MYT1L: variants seen among roughly 807,000 people sequenced by gnomAD.
The protein encoded by MYT1L is myelin transcription factor 1 like, also known as myelin transcription factor 1-like protein.
Under a neutral mutation model 126.7 loss-of-function variants are expected in MYT1L, and 12 were observed. That is an observed-to-expected ratio of 0.09 (90% CI 0.06 to 0.15). MYT1L has a LOEUF of 0.15. Ranked by LOEUF, MYT1L falls within the 10% of genes least tolerant of loss-of-function variation. The pLI is 1.00. For missense variants in MYT1L, 979 were observed against 1,585.2 expected (o/e 0.62, Z 6.49); for synonymous variants, 541 against 604.2 (o/e 0.90, Z 1.53).
At chr2:2,148,081 C>T (rs149090107) in intron 3 of MYT1L, among the ~76,000 whole-genome samples, 1 of 152,262 alleles carries the variant, frequency 6.6e-6, no homozygotes, top group East Asian at 1.9e-4. Context: ...AGGATCACAC[C>T]TCTCATCCTC....
intron 9 of MYT1L, among the ~76,000 whole-genome samples, chr2:1,937,772 G>A (rs569624748): frequency 1.4e-4 from 21 of 151,566 alleles, no homozygotes; most frequent in African/African-American, 3.9e-4. Context: ...TAATGTCCGC[G>A]GCCATCAGAT....
chr2:2,015,184 A>G (rs1041051026), intron 4 of MYT1L, among the ~76,000 whole-genome samples: 17 of 152,208 alleles, frequency 1.1e-4, no homozygotes, highest in South Asian at 2.1e-4. Flanking sequence ...GCAATGCTGA[A>G]GAGAATGGGT....
At chr2:2,028,853 T>A (rs1262224203) in intron 4 of MYT1L, among the ~76,000 whole-genome samples, 2 of 152,046 alleles carry the variant, frequency 1.3e-5, no homozygotes, top group Non-Finnish European at 2.9e-5. Flanking sequence ...ATTCATTAAC[T>A]CGTTGTTAAG....
At chr2:2,112,016 AT>A (rs537972787) in intron 3 of MYT1L, among the ~76,000 whole-genome samples, 1 of 152,086 alleles carries the variant, frequency 6.6e-6, no homozygotes, top group African/African-American at 2.4e-5. Context: ...TGGGACCACT[AT>A]TTTTTTGCCA....
At chr2:1,882,892 C>T (rs1332508966) in intron 18 of MYT1L, among the ~76,000 whole-genome samples, 2 of 152,156 alleles carry the variant, frequency 1.3e-5, no homozygotes, top group Non-Finnish European at 2.9e-5. Context: ...AATGTTAATT[C>T]TTTGATTTAT....
intron 13 of MYT1L, among the ~76,000 whole-genome samples, chr2:1,909,511 T>C (rs1488250557): frequency 1.3e-5 from 2 of 152,186 alleles, no homozygotes; most frequent in African/African-American, 4.8e-5. Flanking sequence ...GTCATAGTTT[T>C]CATGTAGATG....
At chr2:2,015,431 C>T (rs1321141922) in intron 4 of MYT1L, among the ~76,000 whole-genome samples, 3 of 152,142 alleles carry the variant, frequency 2.0e-5, no homozygotes, top group African/African-American at 7.2e-5. Flanking sequence ...CAGCTCCTCC[C>T]GCAGCTGGAC....
At chr2:1,830,330 C>A (rs879698429) in intron 21 of MYT1L, among the ~76,000 whole-genome samples, 1 of 152,194 alleles carries the variant, frequency 6.6e-6, no homozygotes, top group Admixed American at 6.5e-5. Flanking sequence ...TTACAGAGCC[C>A]ATTTCTTCAG....
At chr2:2,000,339 A>T (rs1166606438) in intron 4 of MYT1L, among the ~76,000 whole-genome samples, 8 of 151,864 alleles carry the variant, frequency 5.3e-5, no homozygotes, top group Admixed American at 4.6e-4. Flanking sequence ...TAGTTCATTT[A>T]AAAAAAATAT....
chr2:2,121,955 G>A (rs1340606372), intron 3 of MYT1L, among the ~76,000 whole-genome samples: 1 of 152,106 alleles, frequency 6.6e-6, no homozygotes, highest in African/African-American at 2.4e-5. Context: ...GGCTGATGCC[G>A]GCCCCGATGG....
chr2:1,877,874 T>TC (rs753318787), intron 18 of MYT1L, among the ~76,000 whole-genome samples: 7 of 151,988 alleles, frequency 4.6e-5, no homozygotes, highest in Non-Finnish European at 1.0e-4. Context: ...AGTGCTGGGG[T>TC]CCCCCTCCGT....
At chr2:2,086,271 G>C (rs1461563610) in intron 3 of MYT1L, among the ~76,000 whole-genome samples, 1 of 152,292 alleles carries the variant, frequency 6.6e-6, no homozygotes, top group African/African-American at 2.4e-5. Context: ...TGTCAACGGA[G>C]CACTCCATCA....
chr2:2,221,336 A>G (rs1014131447), intron 2 of MYT1L, among the ~76,000 whole-genome samples: 8 of 152,134 alleles, frequency 5.3e-5, no homozygotes, highest in African/African-American at 1.7e-4. Flanking sequence ...CTCTTGGATT[A>G]TTAGTCTGAG....
chr2:2,237,360 G>A (rs1481121331), intron 2 of MYT1L, among the ~76,000 whole-genome samples: 5 of 152,098 alleles, frequency 3.3e-5, no homozygotes, highest in Non-Finnish European at 7.3e-5. Flanking sequence ...CACAAGCCAA[G>A]TTGAAACCAG....
intron 3 of MYT1L, among the ~76,000 whole-genome samples, chr2:2,143,088 A>G (rs1273095373): frequency 6.6e-6 from 1 of 151,372 alleles, no homozygotes; most frequent in Admixed American, 6.6e-5. Flanking sequence ...CAGGAGATTG[A>G]GACCATCCTG....
chr2:2,129,081 C>T (rs1432376662), intron 3 of MYT1L, among the ~76,000 whole-genome samples: 1 of 152,164 alleles, frequency 6.6e-6, no homozygotes, highest in Non-Finnish European at 1.5e-5. Context: ...CACATTGACA[C>T]AGAAATGGTA....
At chr2:2,003,972 GGCATTCTTTCCTGCAA>G (rs2062709385) in intron 4 of MYT1L, among the ~76,000 whole-genome samples, 1 of 140,578 alleles carries the variant, frequency 7.1e-6, no homozygotes, top group South Asian at 2.3e-4. Flanking sequence ...CTTTCCTGCA[GGCATTCTTTCCTGCAA>G]GCGTTCTTTC....
chr2:2,195,929 C>T (rs1304122264), intron 2 of MYT1L, among the ~76,000 whole-genome samples: 5 of 151,926 alleles, frequency 3.3e-5, no homozygotes, highest in Non-Finnish European at 5.9e-5. Flanking sequence ...AACCCTATCA[C>T]ATGCAAAACA....
At chr2:2,033,296 T>C (rs1324253231) in intron 4 of MYT1L, among the ~76,000 whole-genome samples, 19 of 126,852 alleles carry the variant, frequency 1.5e-4, no homozygotes, top group Admixed American at 1.4e-3. Flanking sequence ...CCAGAGCAGA[T>C]TCTAGAAGGA....
Sources: allele counts gnomAD v4.1 joint callset (sites outside exome capture counted in the v4.1 genomes callset), GRCh38; gene constraint gnomAD v4.1.1; transcripts MANE v1.5; gene names NCBI Gene and HGNC (gene_info 2026-07-23, HGNC 2026-07-21).